Variants in EPAS1 observed in about 807,000 individuals in gnomAD.
The protein encoded by EPAS1 is endothelial PAS domain-containing protein 1.
Under a neutral mutation model 87.9 loss-of-function variants are expected in EPAS1, and 23 were observed. That is an observed-to-expected ratio of 0.26 (90% CI 0.19 to 0.37). The LOEUF is 0.37. Among genes scored for constraint, EPAS1 ranks in the 10% least tolerant of loss-of-function variants. EPAS1 has a pLI of 1.00. For missense variants in EPAS1, 1,138 were observed against 1,120.7 expected (o/e 1.02, Z -0.22); for synonymous variants, 508 against 444.3 (o/e 1.14, Z -1.80).
chr2:46,317,743 T>G (rs1417658837), intron 1 of EPAS1, among the ~76,000 whole-genome samples: 3 of 152,206 alleles, frequency 2.0e-5, no homozygotes, highest in African/African-American at 7.2e-5. Context: ...ACACTGAAAA[T>G]CTGTTTAGTG....
intron 12 of EPAS1, chr2:46,381,105 C>A (rs939070280): frequency 3.4e-5 from 12 of 354,688 alleles, no homozygotes; most frequent in Non-Finnish European, 6.4e-5. Flanking sequence ...TTGGCTGCCC[C>A]CGGGTCCTCG....
At chr2:46,304,572 A>G (rs983378844) in intron 1 of EPAS1, among the ~76,000 whole-genome samples, 4 of 152,178 alleles carry the variant, frequency 2.6e-5, no homozygotes, top group Non-Finnish European at 5.9e-5. Flanking sequence ...TAGGGATTGA[A>G]GATCTGAAAG....
At position 46,300,133 on chromosome 2, in the gene EPAS1, G is replaced by A. The variant is rs1259697782; in HGVS notation, c.26+2196G>A. Among the ~76,000 whole-genome samples, 2 of 152,224 alleles carry A rather than the reference G, an allele frequency of 1.3e-5. No individual in the cohort carries two copies. On this transcript the variant is annotated intron_variant, in intron 1 of 15. Coordinates refer to ENST00000263734, the MANE Select transcript of EPAS1 (RefSeq NM_001430.5). This position sits in a 1 kb window ranked among gnomAD's most constrained non-coding sequence, Gnocchi z 4.1. Reference sequence around the variant, plus strand: ...AGACTCATTTACTTTTCGTGCCTGGGTCTGTTTGCTGGCTGCAGGCTTCTT... The same window carrying A: ...AGACTCATTTACTTTTCGTGCCTGGATCTGTTTGCTGGCTGCAGGCTTCTT...
intron 1 of EPAS1, among the ~76,000 whole-genome samples, chr2:46,311,433 A>C (rs1683210724): frequency 6.6e-6 from 1 of 152,174 alleles, no homozygotes; most frequent in South Asian, 2.1e-4. Context: ...GCTTTGGAGC[A>C]CAGCGCAGCC....
At position 46,333,162 on chromosome 2, in the gene EPAS1, C is replaced by T. The variant is rs936478731; in HGVS notation, c.27-13711C>T. ...TCACTCGCCTTTATTAATCCACTTT[C>T]TACTGGAAGCACTAAAGCATTGGAA... On this transcript the variant is annotated intron_variant, in intron 1 of 15. Coordinates refer to ENST00000263734, the MANE Select transcript of EPAS1 (RefSeq NM_001430.5). Among the ~76,000 whole-genome samples, 2 of 152,186 alleles carry T rather than the reference C, an allele frequency of 1.3e-5. 1 individual carries two copies. Among genetic ancestry groups the T allele is most frequent in the East Asian group, 3.8e-4 (2 of 5,196 alleles).
Position 46,346,611 on chromosome 2 carries a change from A to C in EPAS1, c.27-262A>C, listed in dbSNP as rs886205359. 2.6e-5 allele frequency among the ~76,000 whole-genome samples: 4 copies of C among 152,012 alleles called. No individual in the cohort carries two copies. Among genetic ancestry groups the C allele is most frequent in the Non-Finnish European group, 5.9e-5 (4 of 67,996 alleles). On this transcript the variant is annotated intron_variant, in intron 1 of 15. Transcript: ENST00000263734. This position sits in a 1 kb window ranked among gnomAD's most constrained non-coding sequence, Gnocchi z 4.0. ...ATTTAATCAGCCAGTCTTTGCCCAG[A>C]CTCCACCCATGTGAAGCCCTGTTCT...
At position 46,363,633 on chromosome 2, in the gene EPAS1, G is replaced by A. The variant is rs979579566; in HGVS notation, c.779+2543G>A. Among the ~76,000 whole-genome samples, 6 of 152,336 alleles carry A rather than the reference G, an allele frequency of 3.9e-5. No homozygotes were observed. In the East Asian group the frequency reaches 1.2e-3, roughly 29 times the overall value. ...TACATAGAAAGGGGAAAGATGCTGTGCTGACTTCTTAGTTTGGCTCAGGGC... is the reference window on the plus strand; with the variant it reads ...TACATAGAAAGGGGAAAGATGCTGTACTGACTTCTTAGTTTGGCTCAGGGC... On this transcript the variant is annotated intron_variant, in intron 6 of 15. Transcript: ENST00000263734.
Position 46,309,603 on chromosome 2 carries a change from A to G in EPAS1, c.26+11666A>G, listed in dbSNP as rs147049600. ...AAGACCTAGGTCTGTCTTGAAGATT[A>G]GGTAGAATTTGGATAGGCAGATGAG... is the stretch of plus-strand genomic sequence containing the variant. On this transcript the variant is annotated intron_variant, in intron 1 of 15. Coordinates refer to ENST00000263734, the MANE Select transcript of EPAS1 (RefSeq NM_001430.5). 7.2e-5 allele frequency among the ~76,000 whole-genome samples: 11 copies of G among 152,354 alleles called. No individual in the cohort carries two copies. In the East Asian group the frequency reaches 2.1e-3, roughly 29 times the overall value.
At chr2:46,316,958 C>G (rs900164986) in intron 1 of EPAS1, among the ~76,000 whole-genome samples, 12 of 152,196 alleles carry the variant, frequency 7.9e-5, no homozygotes, top group Non-Finnish European at 1.5e-4. Context: ...CCATCTTTAC[C>G]AGGAGCAAAT....
chr2:46,374,631 C>T (rs996954321), intron 7 of EPAS1, among the ~76,000 whole-genome samples: 6 of 152,216 alleles, frequency 3.9e-5, no homozygotes, highest in African/African-American at 1.4e-4. Context: ...ATTTCCCGAT[C>T]CTCCCTCCAT....
At chr2:46,339,483 C>G (rs995432490) in intron 1 of EPAS1, among the ~76,000 whole-genome samples, 2 of 152,226 alleles carry the variant, frequency 1.3e-5, no homozygotes, top group Non-Finnish European at 2.9e-5. Context: ...CATTACCTTT[C>G]TAAACCTCAG....
At chr2:46,324,468 G>C (rs1003562960) in intron 1 of EPAS1, among the ~76,000 whole-genome samples, 7 of 152,304 alleles carry the variant, frequency 4.6e-5, no homozygotes, top group South Asian at 4.1e-4. Context: ...TACAAATCTT[G>C]CTTGTGAAAA....
intron 1 of EPAS1, among the ~76,000 whole-genome samples, chr2:46,333,495 C>G (rs953462231): frequency 2.6e-5 from 4 of 151,962 alleles, no homozygotes; most frequent in Non-Finnish European, 5.9e-5. Flanking sequence ...CCTATGTTGG[C>G]TCTCAAACTT....
At chr2:46,372,540 T>G (rs954609992) in intron 7 of EPAS1, among the ~76,000 whole-genome samples, 4 of 152,234 alleles carry the variant, frequency 2.6e-5, no homozygotes, top group Admixed American at 6.5e-5. Flanking sequence ...GATTAATAAT[T>G]TATACACTGT....
intron 6 of EPAS1, among the ~76,000 whole-genome samples, chr2:46,369,365 C>G (rs149891903): frequency 3.9e-5 from 6 of 152,284 alleles, no homozygotes; most frequent in Admixed American, 1.3e-4. Context: ...TTTATACTGC[C>G]TTCTACTAGA....
In EPAS1 at chr2:46,380,786, AC is replaced by A; in HGVS notation, c.2045+74del. 2 of 1,597,748 alleles carry A rather than the reference AC, an allele frequency of 1.3e-6. No homozygotes were observed. Among genetic ancestry groups the A allele is most frequent in the Non-Finnish European group, 1.7e-6 (2 of 1,179,470 alleles). On this transcript the variant is annotated intron_variant, in intron 12 of 15. Coordinates refer to ENST00000263734, the MANE Select transcript of EPAS1 (RefSeq NM_001430.5). This position sits in a 1 kb window ranked among gnomAD's most constrained non-coding sequence, Gnocchi z 4.4. ...AGGCACCCACTAGTAAGATAGCTGG[AC>A]CCCCAGGGAGGCCCCTGCCCCTCTC... is the stretch of plus-strand genomic sequence containing the variant.
At chr2:46,377,375 G>A (rs541350907) in intron 9 of EPAS1, among the ~76,000 whole-genome samples, 167 of 152,298 alleles carry the variant, frequency 1.1e-3, no homozygotes, top group African/African-American at 3.9e-3. Context: ...TTCGCAACCC[G>A]CTGCCACCCT....
At position 46,300,573 on chromosome 2, in the gene EPAS1, A is replaced by C. The variant is rs2104833804; in HGVS notation, c.26+2636A>C. Among the ~76,000 whole-genome samples the C allele has an allele frequency of 6.6e-6, 1 of 152,300 alleles. No individual in the cohort carries two copies. Among genetic ancestry groups the C allele is most frequent in the Non-Finnish European group, 1.5e-5 (1 of 68,018 alleles). On this transcript the variant is annotated intron_variant, in intron 1 of 15. Coordinates refer to ENST00000263734, the MANE Select transcript of EPAS1 (RefSeq NM_001430.5). The surrounding 1 kb of genome is among the most constrained non-coding windows in gnomAD (Gnocchi z 4.1). ...TGACATCACAGATGTCAGAAACTGAAGCCTGGTGGGTGGGGGTACTGCACT... is the reference window on the plus strand; with the variant it reads ...TGACATCACAGATGTCAGAAACTGACGCCTGGTGGGTGGGGGTACTGCACT...
intron 1 of EPAS1, among the ~76,000 whole-genome samples, chr2:46,339,459 G>A (rs1194098704): frequency 6.6e-6 from 1 of 152,212 alleles, no homozygotes; most frequent in African/African-American, 2.4e-5. Flanking sequence ...TTTTGTTCCA[G>A]TTCCACATAC....
Sources: gnomAD v4.1 joint callset for allele counts (sites outside exome capture counted in the v4.1 genomes callset) on GRCh38, gnomAD v4.1.1 for gene constraint, Gnocchi (gnomAD v3.1) non-coding constraint, MANE v1.5 for transcripts, NCBI Gene and HGNC (gene_info 2026-07-23, HGNC 2026-07-21) for gene names.